The following CABIN1 variants were observed in gnomAD, a reference collection of about 807,000 sequenced individuals.
CABIN1 encodes calcineurin binding protein 1.
In CABIN1, 133 loss-of-function variants were observed where a neutral mutation model predicts 227.7. That is an observed-to-expected ratio of 0.58 (90% CI 0.51 to 0.67). CABIN1 has a LOEUF of 0.67. CABIN1 is among the 30% of genes least tolerant of loss of function. The pLI is 0.00. For missense variants in CABIN1, 2,408 were observed against 2,852.5 expected, an observed-to-expected ratio of 0.84 and a Z score of 3.55; for synonymous variants, 1,086 against 1,155.1, an observed-to-expected ratio of 0.94 and a Z score of 1.21.
In CABIN1 at chr22:24,175,412, G is replaced by A. The variant is rs564496817; in HGVS notation, c.6041-699G>A. On this transcript the variant is annotated intron_variant, in intron 34 of 36. Transcript: ENST00000263119. ...TCCTGGCAGAGGAGCGGGATGGGGA[G>A]GCGGTGGGGTGGCTGGAAAGGCAGT... Among the ~76,000 whole-genome samples the A allele has an allele frequency of 2.1e-3, 319 of 152,382 alleles. 1 individual carries two copies. Among genetic ancestry groups the A allele is most frequent in the Non-Finnish European group, 3.2e-3 (215 of 68,036 alleles).
intron 29 of CABIN1, among the ~76,000 whole-genome samples, chr22:24,154,041 A>T (rs62231977): frequency 0.031 from 4,716 of 152,260 alleles, 197 homozygotes; most frequent in Admixed American, 0.12. Context: ...GTGGGAAGGC[A>T]TGCGCGCTGG....
intron 35 of CABIN1, among the ~76,000 whole-genome samples, chr22:24,176,561 C>T (rs567801101): frequency 1.7e-4 from 26 of 152,242 alleles, no homozygotes; most frequent in Middle Eastern, 3.4e-3. Context: ...CGAGGGCAGG[C>T]GGCCTGCTTG....
rs115214769 is a variant in CABIN1 at position 24,157,493 on chromosome 22, C to T, written c.4747-6907C>T. ...AAAGAGCATGATAGGCTTAGTTCAG[C>T]TGTAGTCTTGGCTCCCTGCAGGCTG... On this transcript the variant is annotated intron_variant, in intron 29 of 36. Coordinates refer to ENST00000263119, the MANE Select transcript of CABIN1 (RefSeq NM_012295.4). Among the ~76,000 whole-genome samples, 1,463 of 152,276 alleles carry T rather than the reference C, an allele frequency of 9.6e-3. 29 individuals are homozygous for T. Among genetic ancestry groups the T allele is most frequent in the African/African-American group, 0.033 (1,373 of 41,534 alleles).
At chr22:24,079,411 G>T (rs1243073786) in intron 19 of CABIN1, among the ~76,000 whole-genome samples, 3 of 152,040 alleles carry the variant, frequency 2.0e-5, no homozygotes, top group Non-Finnish European at 4.4e-5. Flanking sequence ...CTCTTGTGTA[G>T]ATTCCTGTAA....
intron 29 of CABIN1, among the ~76,000 whole-genome samples, chr22:24,140,513 A>G (rs2044690224): frequency 6.6e-6 from 1 of 152,188 alleles, no homozygotes; most frequent in Admixed American, 6.5e-5. Context: ...CCGCAGGCAT[A>G]CACACCTCTG....
At chr22:24,110,076 C>A (rs896778582) in intron 26 of CABIN1, among the ~76,000 whole-genome samples, 1 of 152,246 alleles carries the variant, frequency 6.6e-6, no homozygotes, top group South Asian at 2.1e-4. Context: ...GAGGCTGAGG[C>A]AGGAGGATTG....
At chr22:24,164,321 C>T (rs2046323850) in intron 29 of CABIN1, 79 bp from the exon 30 acceptor site, 3 of 1,567,636 alleles carry the variant, frequency 1.9e-6, no homozygotes, top group Non-Finnish European at 2.6e-6. Flanking sequence ...TGGCAGTTTC[C>T]AGGGGATACC....
At chr22:24,088,019 T>C (rs1380296284) in intron 23 of CABIN1, among the ~76,000 whole-genome samples, 1 of 152,230 alleles carries the variant, frequency 6.6e-6, no homozygotes, top group Admixed American at 6.5e-5. Flanking sequence ...CAGAAGTAGC[T>C]ATTTCTTCCC....
chr22:24,066,450 G>C (rs1022596773), intron 15 of CABIN1, among the ~76,000 whole-genome samples: 2 of 152,226 alleles, frequency 1.3e-5, no homozygotes, highest in Admixed American at 6.5e-5. Flanking sequence ...TCATTGTGCA[G>C]CTCCAGACCC....
At chr22:24,022,030 T>C (rs2035762123) in intron 1 of CABIN1, among the ~76,000 whole-genome samples, 1 of 152,236 alleles carries the variant, frequency 6.6e-6, no homozygotes, top group South Asian at 2.1e-4. Context: ...TGTGCCTTTG[T>C]TACATTTAAT....
rs1457577633 is a variant in CABIN1 at position 24,119,420 on chromosome 22, G to A, written c.4354G>A (p.Gly1452Ser). 4 of 1,614,016 alleles carry A rather than the reference G, an allele frequency of 2.5e-6. No homozygotes were observed. The highest frequency in any genetic ancestry group is 1.7e-5 in the Admixed American group (1 of 60,016). ...STEGFRAAEQGVQKPAAETPA... is the reference protein window; with the variant it reads ...STEGFRAAEQSVQKPAAETPA... The stretch of plus-strand genomic sequence containing the variant: ...AGAAGGCTTCCGGGCTGCAGAGCAA[G>A]GTGTCCAGAAGCCTGCTGCAGAAAC... The change falls in exon 28 of 37, where the codon GGT becomes AGT. Residue 1452 changes from glycine (G) to serine (S), a missense_variant. Transcript: ENST00000263119.
At chr22:24,143,930 A>G (rs560830926) in intron 29 of CABIN1, among the ~76,000 whole-genome samples, 1 of 152,324 alleles carries the variant, frequency 6.6e-6, no homozygotes, top group East Asian at 1.9e-4. Flanking sequence ...GGCTCAGGTC[A>G]GTGCCACTCC....
intron 26 of CABIN1, among the ~76,000 whole-genome samples, chr22:24,106,764 A>T (rs182487150): frequency 6.6e-6 from 1 of 152,334 alleles, no homozygotes; most frequent in Admixed American, 6.5e-5. Flanking sequence ...GGAGGAATGG[A>T]GGCTGGGGCA....
chr22:24,177,821 A>T lies in CABIN1; in HGVS notation c.6519+4A>T, dbSNP rs778657216. On this transcript the variant is annotated splice_donor_region_variant and intron_variant, in intron 36 of 36. Transcript: ENST00000263119. This position sits in a 1 kb window ranked among gnomAD's most constrained non-coding sequence, Gnocchi z 4.4. ...GGAGACCAAGCAGAAGCTGAAGGTG[A>T]CCTCAGGGGCTGGGCTGGAGCCATG... is the stretch of plus-strand genomic sequence containing the variant. The T allele has an allele frequency of 6.2e-7, 1 of 1,604,084 alleles. No individual in the cohort carries two copies. Among genetic ancestry groups the T allele is most frequent in the Non-Finnish European group, 8.5e-7 (1 of 1,173,946 alleles).
chr22:24,165,608 G>A lies in CABIN1; in HGVS notation c.4989G>A (p.Thr1663=), dbSNP rs766561765. 8.7e-6 allele frequency: 14 copies of A among 1,612,640 alleles called. No homozygotes were observed. Among genetic ancestry groups the A allele is most frequent in the South Asian group, 2.2e-5 (2 of 90,928 alleles). ...TCACTGTGAAGGTGCTCGAAGACAC[G>A]CTGAGCGAGCTCGCAGAGGTATGCC... The part of the protein sequence containing the change: ...FILTVKVLED[T]LSELAEGSER... The change falls in exon 31 of 37, where the codon ACG becomes ACA. Residue 1663 remains threonine, a synonymous_variant. Transcript: ENST00000263119.
intron 28 of CABIN1, among the ~76,000 whole-genome samples, chr22:24,131,275 A>G (rs2044058946): frequency 6.6e-6 from 1 of 152,170 alleles, no homozygotes; most frequent in Non-Finnish European, 1.5e-5. Context: ...GGTCTTCCGG[A>G]CACTTTTCCA....
At position 24,166,734 on chromosome 22, in the gene CABIN1, G is replaced by A; in HGVS notation, c.5103G>A (p.Glu1701=). 1.9e-6 allele frequency: 3 copies of A among 1,612,830 alleles called. No homozygotes were observed. Among genetic ancestry groups the A allele is most frequent in the Non-Finnish European group, 1.7e-6 (2 of 1,179,972 alleles). ...SHKASPEDGQ[E]GLPQPKKPPL... ...AGGCCAGTCCTGAGGATGGCCAGGA[G>A]GGCCTCCCCCAGCCGAAGAAGCCCC... Residue 1701 remains glutamate (E), a synonymous_variant, in exon 32 of 37, where the codon GAG becomes GAA. Coordinates refer to ENST00000263119, the MANE Select transcript of CABIN1 (RefSeq NM_012295.4).
chr22:24,177,704 G>A lies in CABIN1; in HGVS notation c.6406G>A (p.Val2136Ile), dbSNP rs2047192419. The A allele has an allele frequency of 3.7e-6, 6 of 1,613,542 alleles. No homozygotes were observed. The highest frequency in any genetic ancestry group is 1.1e-5 in the South Asian group (1 of 91,062). The stretch of plus-strand genomic sequence containing the variant: ...CCCCCTGCCCAACATGCCAAAGCTG[G>A]TCATCCCCTCCGCCGCCACCAAGTT... ...SRPLPNMPKL[V>I]IPSAATKFPP... Residue 2136 changes from valine (V) to isoleucine (I), a missense_variant, in exon 36 of 37, where the codon GTC becomes ATC. Transcript: ENST00000263119. The surrounding 1 kb of genome is among the most constrained non-coding windows in gnomAD (Gnocchi z 4.4).
chr22:24,163,469 G>A (rs922499509), intron 29 of CABIN1, among the ~76,000 whole-genome samples: 1 of 152,188 alleles, frequency 6.6e-6, no homozygotes, highest in Admixed American at 6.5e-5. Flanking sequence ...CTATACTGCA[G>A]CATGATGTGG....
Sources: gnomAD v4.1 joint callset for allele counts (sites outside exome capture counted in the v4.1 genomes callset) on GRCh38, gnomAD v4.1.1 for gene constraint, Gnocchi (gnomAD v3.1) non-coding constraint, MANE v1.5 for transcripts, NCBI Gene and HGNC (gene_info 2026-07-23, HGNC 2026-07-21) for gene names.